The following GREB1L variants were observed in gnomAD, a reference collection of about 807,000 sequenced individuals.
GREB1L encodes GREB1 like retinoic acid receptor coactivator.
In GREB1L, 17 loss-of-function variants were observed where a neutral mutation model predicts 200.8. That is an observed-to-expected ratio of 0.08 (90% CI 0.06 to 0.13). The LOEUF is 0.13. Among genes scored for constraint, GREB1L ranks in the 10% least tolerant of loss-of-function variants. The pLI is 1.00. For missense variants in GREB1L, 1,657 were observed against 2,367.7 expected, an observed-to-expected ratio of 0.70 and a Z score of 6.23; for synonymous variants, 789 against 893.0, an observed-to-expected ratio of 0.88 and a Z score of 2.08.
At chr18:21,384,510 A>G (rs2040456518) in intron 4 of GREB1L, 107 bp downstream of exon 4, 3 of 809,072 alleles carry the variant, frequency 3.7e-6, no homozygotes, top group Admixed American at 2.9e-5. Context: ...TAATTATCGT[A>G]TGGAGAGGAA....
chr18:21,513,169 A>G (rs1458897738), intron 27 of GREB1L, among the ~76,000 whole-genome samples: 2 of 152,174 alleles, frequency 1.3e-5, no homozygotes, highest in South Asian at 2.1e-4. Flanking sequence ...ACATGGCTAG[A>G]AAGTGGTGGA....
At chr18:21,438,612 T>G (rs2033690948) in intron 7 of GREB1L, among the ~76,000 whole-genome samples, 1 of 151,596 alleles carries the variant, frequency 6.6e-6, no homozygotes, top group Non-Finnish European at 1.5e-5. Context: ...AAAGCTGCAG[T>G]GAGCTCTGAG....
At chr18:21,326,198 T>G (rs1411502260) in intron 1 of GREB1L, among the ~76,000 whole-genome samples, 1 of 152,012 alleles carries the variant, frequency 6.6e-6, no homozygotes, top group Non-Finnish European at 1.5e-5. Context: ...AAAAGAACAG[T>G]GTGTATAATA....
chr18:21,268,112 T>C (rs2038002171), intron 1 of GREB1L, among the ~76,000 whole-genome samples: 1 of 152,116 alleles, frequency 6.6e-6, no homozygotes, highest in Non-Finnish European at 1.5e-5. Context: ...AGGAAAGTTC[T>C]TCCAGATGCA....
chr18:21,286,790 A>T (rs574695984), intron 1 of GREB1L, among the ~76,000 whole-genome samples: 1 of 152,228 alleles, frequency 6.6e-6, no homozygotes, highest in East Asian at 1.9e-4. Flanking sequence ...GAGCCACTGC[A>T]CCTGGCCTAT....
chr18:21,448,732 G>A (rs764319639), intron 11 of GREB1L, among the ~76,000 whole-genome samples: 7 of 152,162 alleles, frequency 4.6e-5, no homozygotes, highest in Non-Finnish European at 1.0e-4. Context: ...TGAAATCTTA[G>A]TTCATTTGTG....
intron 1 of GREB1L, among the ~76,000 whole-genome samples, chr18:21,249,883 A>G (rs141055373): frequency 6.6e-6 from 1 of 152,216 alleles, no homozygotes; most frequent in East Asian, 1.9e-4. Flanking sequence ...AAAAGTGACA[A>G]ATATCTCTGT....
intron 1 of GREB1L, among the ~76,000 whole-genome samples, chr18:21,345,332 G>A (rs1043695612): frequency 3.9e-5 from 6 of 152,154 alleles, no homozygotes; most frequent in Non-Finnish European, 7.4e-5. Flanking sequence ...CCTGAAAAAA[G>A]AACTACTCTG....
chr18:21,293,579 A>G (rs1055518414), intron 1 of GREB1L, among the ~76,000 whole-genome samples: 4 of 152,164 alleles, frequency 2.6e-5, no homozygotes, highest in African/African-American at 9.7e-5. Context: ...TTTTGTATAT[A>G]TTGTGTATAT....
At chr18:21,510,213 CAAA>C (rs57710844) in intron 27 of GREB1L, among the ~76,000 whole-genome samples, 7 of 84,096 alleles carry the variant, frequency 8.3e-5, no homozygotes, top group Admixed American at 1.3e-4. Context: ...AAACTGTCTC[CAAA>C]AAAAAAAAAA....
At chr18:21,259,997 A>G (rs2037864581) in intron 1 of GREB1L, among the ~76,000 whole-genome samples, 1 of 151,988 alleles carries the variant, frequency 6.6e-6, no homozygotes, top group Admixed American at 6.6e-5. Context: ...AATTTAAGGC[A>G]TGAGAAATTA....
At chr18:21,497,440 C>T (rs1217949686) in intron 21 of GREB1L, among the ~76,000 whole-genome samples, 2 of 152,042 alleles carry the variant, frequency 1.3e-5, no homozygotes, top group Admixed American at 1.3e-4. Context: ...GTCAGGAGTT[C>T]GAGACCAGCC....
chr18:21,289,300 A>G (rs889914042), intron 1 of GREB1L, among the ~76,000 whole-genome samples: 2 of 152,102 alleles, frequency 1.3e-5, no homozygotes, highest in African/African-American at 4.8e-5. Context: ...CTGTAATCTC[A>G]ATGCTTTGGG....
chr18:21,375,750 C>T (rs748082371), intron 2 of GREB1L, among the ~76,000 whole-genome samples: 3 of 152,164 alleles, frequency 2.0e-5, no homozygotes, highest in Admixed American at 1.3e-4. Flanking sequence ...CTTAACTTCT[C>T]TAAGCCTCAG....
Position 21,384,315 on chromosome 18 carries a change from T to C in GREB1L, c.267T>C (p.Asp89=), listed in dbSNP as rs1299331001. ...TAACAGTTAATGAAATGGAAGATGA[T>C]GAAGACGATGAAGAAATGTCTGATT... The part of the protein sequence containing the change: ...NNLTVNEMED[D]EDDEEMSDSN... The change falls in exon 4 of 33, where the codon GAT becomes GAC. Residue 89 remains aspartate (D), a synonymous_variant. Coordinates refer to ENST00000424526, the MANE Select transcript of GREB1L (RefSeq NM_001142966.3). 9.0e-6 allele frequency: 14 copies of C among 1,551,414 alleles called. No homozygotes were observed. Among genetic ancestry groups the C allele is most frequent in the African/African-American group, 2.7e-5 (2 of 73,058 alleles).
intron 27 of GREB1L, among the ~76,000 whole-genome samples, chr18:21,510,156 G>A (rs574946074): frequency 1.6e-4 from 24 of 151,030 alleles, no homozygotes; most frequent in Non-Finnish European, 2.9e-4. Flanking sequence ...GGTGGCGGCA[G>A]TGAGCCAAGA....
chr18:21,307,277 C>T lies in GREB1L; in HGVS notation c.-119-58750C>T, dbSNP rs138144535. 7.9e-4 allele frequency among the ~76,000 whole-genome samples: 120 copies of T among 152,280 alleles called. 2 individuals carry two copies. In the South Asian group the frequency reaches 0.013, roughly 17 times the overall value. ...CATGCAGCAGTTACCATTAATCCTT[C>T]GATCAGTTCCCCTGGTAGGAACTAT... On this transcript the variant is annotated intron_variant, in intron 1 of 32. Transcript: ENST00000424526.
chr18:21,386,956 G>A (rs1273134897), intron 4 of GREB1L, among the ~76,000 whole-genome samples: 1 of 152,164 alleles, frequency 6.6e-6, no homozygotes, highest in Non-Finnish European at 1.5e-5. Context: ...TTCCCTTCAT[G>A]GGAAATCCTC....
chr18:21,379,004 GGA>G (rs2040192456), intron 2 of GREB1L, among the ~76,000 whole-genome samples: 1 of 151,874 alleles, frequency 6.6e-6, no homozygotes, highest in Non-Finnish European at 1.5e-5. Flanking sequence ...CAAAGTGCTG[GGA>G]TTCCAGGCAT....
Sources: gnomAD v4.1 joint callset for allele counts (sites outside exome capture counted in the v4.1 genomes callset) on GRCh38, gnomAD v4.1.1 for gene constraint, MANE v1.5 for transcripts, NCBI Gene and HGNC (gene_info 2026-07-23, HGNC 2026-07-21) for gene names.